Variants in METAP1D observed in about 807,000 individuals in gnomAD.
METAP1D encodes the protein methionyl aminopeptidase type 1D, mitochondrial, also known as methionine aminopeptidase 1D, mitochondrial.
Under a neutral mutation model 40.5 loss-of-function variants are expected in METAP1D, and 31 were observed. The observed-to-expected ratio is 0.77, with a 90% CI of 0.58 to 1.03. The LOEUF (loss-of-function observed/expected upper bound fraction) is 1.03. METAP1D is among the 50% of genes least tolerant of loss of function. The probability of loss-of-function intolerance (pLI) is 0.00; values close to 1 mark genes in which losing one functional copy is unlikely to be tolerated. For missense variants in METAP1D, 411 were observed against 420.7 expected (o/e 0.98, Z 0.20); for synonymous variants, 151 against 146.4 (o/e 1.03, Z -0.22).
At chr2:172,008,687 G>C (rs149157100) in intron 1 of METAP1D, among the ~76,000 whole-genome samples, 22 of 130,302 alleles carry the variant, frequency 1.7e-4, no homozygotes, top group African/African-American at 6.5e-4. Context: ...AGGTGAATGT[G>C]GCCTTTCTCT....
At chr2:172,051,398 C>G (rs184350728) in intron 1 of METAP1D, among the ~76,000 whole-genome samples, 3 of 152,062 alleles carry the variant, frequency 2.0e-5, no homozygotes, top group East Asian at 1.9e-4. Context: ...AATACAGATG[C>G]CTGTGTGCTG....
intron 1 of METAP1D, among the ~76,000 whole-genome samples, chr2:172,021,191 T>C (rs576161379): frequency 2.0e-5 from 3 of 152,320 alleles, no homozygotes; most frequent in African/African-American, 4.8e-5. Context: ...AAAAAGATAT[T>C]GGTCCTTTTA....
chr2:172,007,705 T>C (rs887780337), intron 1 of METAP1D, among the ~76,000 whole-genome samples: 2 of 152,120 alleles, frequency 1.3e-5, no homozygotes, highest in Non-Finnish European at 2.9e-5. Flanking sequence ...TTAATTTTGT[T>C]TTTTTTGAGA....
intron 1 of METAP1D, among the ~76,000 whole-genome samples, chr2:172,051,198 T>C (rs1362064640): frequency 6.6e-6 from 1 of 152,234 alleles, no homozygotes. Flanking sequence ...TTTAGTTTTA[T>C]ACTTGAGTTC....
intron 1 of METAP1D, among the ~76,000 whole-genome samples, chr2:172,053,810 C>G (rs974361098): frequency 6.6e-6 from 1 of 152,196 alleles, no homozygotes; most frequent in Non-Finnish European, 1.5e-5. Context: ...TTTGATACCT[C>G]TGCAGTGTAA....
At chr2:172,071,196 T>C (rs1391384251) in intron 6 of METAP1D, 126 bp downstream of exon 6, 1 of 759,440 alleles carries the variant, frequency 1.3e-6, no homozygotes, top group Admixed American at 4.2e-5. Flanking sequence ...TATCAGTATG[T>C]GAACTGCCAG....
intron 1 of METAP1D, among the ~76,000 whole-genome samples, chr2:172,056,597 T>A (rs1002036025): frequency 1.3e-5 from 2 of 152,138 alleles, no homozygotes; most frequent in East Asian, 1.9e-4. Flanking sequence ...ATGCAATGAG[T>A]TCATTAAGTA....
intron 1 of METAP1D, among the ~76,000 whole-genome samples, chr2:172,024,200 A>G (rs1689070176): frequency 6.6e-6 from 1 of 152,106 alleles, no homozygotes; most frequent in Admixed American, 6.5e-5. Flanking sequence ...GTTTGACATA[A>G]AATGTTGTGT....
At chr2:172,061,805 GT>G in intron 2 of METAP1D, 150 bp downstream of exon 2, 1 of 603,666 alleles carries the variant, frequency 1.7e-6, no homozygotes, top group Non-Finnish European at 2.7e-6. Flanking sequence ...GATTTGAGAA[GT>G]TTTAATATCC....
At chr2:172,042,672 C>CAT (rs1422661127) in intron 1 of METAP1D, among the ~76,000 whole-genome samples, 1,667 of 12,816 alleles carry the variant, frequency 0.13, 796 homozygotes, top group Middle Eastern at 0.5. Flanking sequence ...TACACATATA[C>CAT]GTGTGTATGT....
At chr2:172,014,655 C>CT (rs897958158) in intron 1 of METAP1D, among the ~76,000 whole-genome samples, 5 of 151,846 alleles carry the variant, frequency 3.3e-5, no homozygotes, top group Admixed American at 1.3e-4. Flanking sequence ...AGTTTTTCAT[C>CT]TTTTTTTCTT....
intron 1 of METAP1D, among the ~76,000 whole-genome samples, chr2:172,011,311 G>A (rs1428668115): frequency 6.9e-6 from 1 of 145,848 alleles, no homozygotes; most frequent in Non-Finnish European, 1.5e-5. Context: ...TGGCGATGGA[G>A]TCTCACTCTG....
At chr2:172,063,971 A>T in intron 3 of METAP1D, 111 bp downstream of exon 3, 1 of 1,261,796 alleles carries the variant, frequency 7.9e-7, no homozygotes, top group Non-Finnish European at 1.0e-6. Context: ...TGTTTTAAAA[A>T]TTTATTTGTT....
intron 5 of METAP1D, among the ~76,000 whole-genome samples, chr2:172,070,442 C>T (rs1027529919): frequency 2.6e-5 from 4 of 152,138 alleles, no homozygotes; most frequent in African/African-American, 9.7e-5. Context: ...TTCTTCTTGT[C>T]ATTATATATC....
rs147320458 is a variant in METAP1D at position 172,002,430 on chromosome 2, C to T, written c.40+2421C>T. 3.0e-3 allele frequency among the ~76,000 whole-genome samples: 453 copies of T among 152,194 alleles called. 2 individuals are homozygous for T. Among genetic ancestry groups the T allele is most frequent in the Middle Eastern group, 0.02 (6 of 294 alleles). ...CAGAAATAGCATTAATCTTTTCTTT[C>T]TTTTTGATCACTTATTATTTTGACA... On this transcript the variant is annotated intron_variant, in intron 1 of 9. Transcript: ENST00000315796.
chr2:172,043,018 CACATATATGTGTATAT>C (rs1689647154), intron 1 of METAP1D, among the ~76,000 whole-genome samples: 1 of 77,224 alleles, frequency 1.3e-5, no homozygotes, highest in Non-Finnish European at 3.8e-5. Context: ...TGTATGTGTA[CACATATATGTGTATAT>C]GTGTACACGT....
chr2:172,042,704 TGTGTGTGTGTATATGTGTACACATATAC>T, intron 1 of METAP1D, among the ~76,000 whole-genome samples: 1 of 19,078 alleles, frequency 5.2e-5, no homozygotes, highest in Non-Finnish European at 1.7e-4. Flanking sequence ...CACATATACG[TGTGTGTGTGTATATGTGTACACATATAC>T]GTGTGTGTGT....
At chr2:172,051,503 A>G (rs1011049578) in intron 1 of METAP1D, among the ~76,000 whole-genome samples, 1 of 152,184 alleles carries the variant, frequency 6.6e-6, no homozygotes, top group Non-Finnish European at 1.5e-5. Flanking sequence ...TGAACTTGTC[A>G]TTGATGTTAT....
chr2:172,071,718 T>G (rs1690425068), intron 6 of METAP1D, among the ~76,000 whole-genome samples: 1 of 152,212 alleles, frequency 6.6e-6, no homozygotes, highest in African/African-American at 2.4e-5. Context: ...TTAGGTCTTT[T>G]TTCCCCCATA....
Sources: allele counts gnomAD v4.1 joint callset (sites outside exome capture counted in the v4.1 genomes callset), GRCh38; gene constraint gnomAD v4.1.1; transcripts MANE v1.5; gene names NCBI Gene and HGNC (gene_info 2026-07-23, HGNC 2026-07-21).